The following MAPRE2 variants were observed in gnomAD, a reference collection of about 807,000 sequenced individuals.
MAPRE2 encodes the protein microtubule associated protein RP/EB family member 2.
A neutral mutation model predicts 43.2 loss-of-function variants in MAPRE2; 13 were observed. That is an observed-to-expected ratio of 0.30 (90% CI 0.20 to 0.48). MAPRE2 has a LOEUF of 0.48. Among genes scored for constraint, MAPRE2 ranks in the 20% least tolerant of loss-of-function variants. MAPRE2 has a pLI of 0.99. For synonymous variants in MAPRE2, 135 were observed against 148.8 expected (o/e 0.91, Z 0.68); for missense variants, 161 against 400.2 (o/e 0.40, Z 5.10).
chr18:35,024,446 T>C (rs1288961035), intron 2 of MAPRE2, among the ~76,000 whole-genome samples: 1 of 152,228 alleles, frequency 6.6e-6, no homozygotes, highest in Non-Finnish European at 1.5e-5. Context: ...ATAAATGCTG[T>C]TTTCTTCAGA....
At chr18:35,026,157 G>A (rs1457754217) in intron 2 of MAPRE2, among the ~76,000 whole-genome samples, 4 of 152,112 alleles carry the variant, frequency 2.6e-5, no homozygotes, top group Admixed American at 2.0e-4. Flanking sequence ...AGCAGGGTGT[G>A]AGCAGCGGGA....
At chr18:35,001,382 C>T (rs2097029254) in intron 1 of MAPRE2, among the ~76,000 whole-genome samples, 1 of 152,076 alleles carries the variant, frequency 6.6e-6, no homozygotes, top group Non-Finnish European at 1.5e-5. Context: ...GGTGTGGTGG[C>T]ACATGCCTGT....
chr18:35,117,613 C>T (rs1037682696), intron 4 of MAPRE2, among the ~76,000 whole-genome samples: 7 of 152,102 alleles, frequency 4.6e-5, no homozygotes, highest in Non-Finnish European at 7.3e-5. Context: ...GTGTGCTGGG[C>T]TCTGTCACCA....
intron 1 of MAPRE2, among the ~76,000 whole-genome samples, chr18:35,048,418 A>ATG (rs888675912): frequency 2.3e-4 from 35 of 151,402 alleles, no homozygotes; most frequent in South Asian, 1.7e-3. Flanking sequence ...TATACTATAT[A>ATG]TGTGTGTGTG....
At chr18:35,078,357 T>C (rs940235099) in intron 2 of MAPRE2, among the ~76,000 whole-genome samples, 18 of 152,216 alleles carry the variant, frequency 1.2e-4, no homozygotes, top group African/African-American at 4.3e-4. Flanking sequence ...TAGCTCTGAT[T>C]ATCTTAACCG....
chr18:35,090,734 A>G (rs935715089), intron 2 of MAPRE2, among the ~76,000 whole-genome samples: 5 of 137,368 alleles, frequency 3.6e-5, no homozygotes, highest in Non-Finnish European at 6.2e-5. Flanking sequence ...TCGGTCTCAA[A>G]AAAAAAAAAA....
chr18:35,036,494 A>G (rs923025943), upstream of MAPRE2, among the ~76,000 whole-genome samples: 3 of 152,084 alleles, frequency 2.0e-5, no homozygotes, highest in African/African-American at 4.8e-5. Context: ...ACCTTTCTGC[A>G]CCTTCATCCT....
chr18:35,014,244 A>G (rs1480025832), intron 2 of MAPRE2, among the ~76,000 whole-genome samples: 1 of 152,136 alleles, frequency 6.6e-6, no homozygotes. Flanking sequence ...ATATAAGGAC[A>G]CGGAAAAAGT....
At chr18:35,057,323 A>G (rs1906282574) in intron 1 of MAPRE2, among the ~76,000 whole-genome samples, 1 of 152,186 alleles carries the variant, frequency 6.6e-6, no homozygotes, top group Non-Finnish European at 1.5e-5. Context: ...TGTTATTTCT[A>G]TACCTGATTT....
intron 2 of MAPRE2, among the ~76,000 whole-genome samples, chr18:35,086,814 G>A (rs1359625576): frequency 6.6e-6 from 1 of 151,970 alleles, no homozygotes; most frequent in Non-Finnish European, 1.5e-5. Flanking sequence ...ACCTCTTAAG[G>A]ATACTATGGG....
intron 1 of MAPRE2, among the ~76,000 whole-genome samples, chr18:34,991,428 A>G (rs969106428): frequency 4.6e-5 from 7 of 152,304 alleles, no homozygotes; most frequent in African/African-American, 1.7e-4. Flanking sequence ...CTACAGAACT[A>G]TTATTTGCCT....
intron 4 of MAPRE2, among the ~76,000 whole-genome samples, chr18:35,103,002 G>A (rs538006242): frequency 4.6e-5 from 7 of 152,242 alleles, no homozygotes; most frequent in African/African-American, 1.7e-4. Flanking sequence ...TCTGAATGAA[G>A]TAGAAATGGT....
intron 1 of MAPRE2, among the ~76,000 whole-genome samples, chr18:34,997,671 C>T (rs1472945957): frequency 6.6e-6 from 1 of 152,108 alleles, no homozygotes; most frequent in Non-Finnish European, 1.5e-5. Flanking sequence ...CAAAAATTAG[C>T]CTGGCGTGGT....
intron 1 of MAPRE2, among the ~76,000 whole-genome samples, chr18:35,065,694 C>T (rs920403131): frequency 6.6e-6 from 1 of 152,160 alleles, no homozygotes; most frequent in Non-Finnish European, 1.5e-5. Flanking sequence ...GCTGGGACTA[C>T]AGGCGCATGC....
At chr18:34,983,710 A>G (rs751182460) in intron 1 of MAPRE2, among the ~76,000 whole-genome samples, 1 of 152,076 alleles carries the variant, frequency 6.6e-6, no homozygotes, top group Admixed American at 6.6e-5. Flanking sequence ...GCTCACTGCA[A>G]CCTCCACCTC....
chr18:35,036,640 T>C (rs1016036993), upstream of MAPRE2, among the ~76,000 whole-genome samples: 2 of 152,154 alleles, frequency 1.3e-5, no homozygotes, highest in Admixed American at 1.3e-4. Flanking sequence ...TACACTGCCA[T>C]TCCTCTTTTA....
At chr18:35,045,948 G>A (rs957179952) in intron 1 of MAPRE2, among the ~76,000 whole-genome samples, 2 of 152,176 alleles carry the variant, frequency 1.3e-5, no homozygotes, top group Non-Finnish European at 2.9e-5. Flanking sequence ...TTAATGGAAT[G>A]GTCTTCCGGG....
intron 3 of MAPRE2, among the ~76,000 whole-genome samples, chr18:35,099,704 G>A (rs1180730082): frequency 6.6e-6 from 1 of 152,188 alleles, no homozygotes; most frequent in African/African-American, 2.4e-5. Context: ...AAGTTTGGGG[G>A]AAGTGAGAGA....
intron 1 of MAPRE2, among the ~76,000 whole-genome samples, chr18:35,056,642 T>TC (rs1204636535): frequency 6.6e-6 from 1 of 152,230 alleles, no homozygotes; most frequent in Non-Finnish European, 1.5e-5. Context: ...AACTACTTCA[T>TC]CCACTGACCC....
Sources: allele counts gnomAD v4.1 joint callset (sites outside exome capture counted in the v4.1 genomes callset), GRCh38; gene constraint gnomAD v4.1.1; transcripts MANE v1.5; gene names NCBI Gene and HGNC (gene_info 2026-07-23, HGNC 2026-07-21).